The following PRKCA variants were observed in gnomAD, a reference collection of about 807,000 sequenced individuals.
The protein encoded by PRKCA is protein kinase C alpha type.
PRKCA carries 27 observed loss-of-function variants against 87.0 expected under a neutral mutation model. The observed-to-expected ratio is 0.31, with a 90% CI of 0.23 to 0.43. The LOEUF (loss-of-function observed/expected upper bound fraction) is 0.43, where lower values mean the gene tolerates loss of function less well. PRKCA is among the 20% of genes least tolerant of loss of function. The pLI is 1.00. For synonymous variants in PRKCA, 329 were observed against 311.1 expected (o/e 1.06, Z -0.61); for missense variants, 518 against 852.3 (o/e 0.61, Z 4.88).
intron 16 of PRKCA, among the ~76,000 whole-genome samples, chr17:66,789,191 A>AG (rs970118356): frequency 4.6e-5 from 7 of 152,194 alleles, no homozygotes; most frequent in Admixed American, 1.3e-4. Context: ...TAAGGCAGGG[A>AG]GGGGAACCCT....
chr17:66,351,268 C>T (rs895699025), intron 2 of PRKCA, among the ~76,000 whole-genome samples: 3 of 152,204 alleles, frequency 2.0e-5, no homozygotes, highest in African/African-American at 7.2e-5. Context: ...AGGCTATGGG[C>T]GCGTGCCAAC....
intron 2 of PRKCA, among the ~76,000 whole-genome samples, chr17:66,378,730 G>C (rs1228874657): frequency 2.0e-5 from 3 of 151,928 alleles, no homozygotes; most frequent in Non-Finnish European, 2.9e-5. Flanking sequence ...GTGAAACCCG[G>C]TCTCTACTAA....
intron 16 of PRKCA, among the ~76,000 whole-genome samples, chr17:66,801,752 G>A (rs1207776931): frequency 4.6e-5 from 7 of 152,150 alleles, no homozygotes; most frequent in Non-Finnish European, 5.9e-5. Context: ...GAGGCAGGAC[G>A]GATGTGACAG....
chr17:66,793,004 A>G (rs534611057), intron 16 of PRKCA, among the ~76,000 whole-genome samples: 9 of 152,324 alleles, frequency 5.9e-5, no homozygotes, highest in African/African-American at 1.9e-4. Context: ...AGATGGGACA[A>G]TCACTTCTCA....
intron 2 of PRKCA, among the ~76,000 whole-genome samples, chr17:66,425,748 A>G (rs1165878422): frequency 1.3e-5 from 2 of 152,124 alleles, no homozygotes; most frequent in Admixed American, 6.5e-5. Flanking sequence ...GTTTGCGTGT[A>G]TCTTACCCTT....
intron 3 of PRKCA, among the ~76,000 whole-genome samples, chr17:66,536,911 T>C (rs1967808034): frequency 6.6e-6 from 1 of 152,324 alleles, no homozygotes; most frequent in African/African-American, 2.4e-5. Context: ...AGGTGAACGA[T>C]GGGGGCTTGG....
intron 2 of PRKCA, among the ~76,000 whole-genome samples, chr17:66,489,972 G>A (rs1434901398): frequency 6.6e-6 from 1 of 151,606 alleles, no homozygotes; most frequent in Admixed American, 6.6e-5. Flanking sequence ...GTAGAGACAG[G>A]GTTTCACCAT....
intron 3 of PRKCA, among the ~76,000 whole-genome samples, chr17:66,536,540 G>T (rs1967790434): frequency 6.6e-6 from 1 of 152,218 alleles, no homozygotes; most frequent in Non-Finnish European, 1.5e-5. Context: ...GGAAGACCAG[G>T]GTTGAATCTT....
intron 11 of PRKCA, among the ~76,000 whole-genome samples, chr17:66,739,354 T>C (rs1658831819): frequency 1.3e-5 from 2 of 152,350 alleles, no homozygotes; most frequent in Admixed American, 6.5e-5. Context: ...TCCAATAAAC[T>C]GGAGATGTTG....
chr17:66,707,442 C>A (rs544150667), intron 8 of PRKCA, among the ~76,000 whole-genome samples: 2 of 152,276 alleles, frequency 1.3e-5, no homozygotes, highest in East Asian at 3.9e-4. Flanking sequence ...GAGCCAACAT[C>A]TTTATGAGGC....
At chr17:66,357,382 T>G (rs1908126984) in intron 2 of PRKCA, among the ~76,000 whole-genome samples, 1 of 152,190 alleles carries the variant, frequency 6.6e-6, no homozygotes, top group Non-Finnish European at 1.5e-5. Context: ...TTTGAGTTGT[T>G]AAGAATAATG....
intron 3 of PRKCA, among the ~76,000 whole-genome samples, chr17:66,501,027 G>A (rs555216301): frequency 1.3e-5 from 2 of 151,950 alleles, no homozygotes; most frequent in East Asian, 1.9e-4. Context: ...TAGTACCTTC[G>A]TTGAGCTTGG....
chr17:66,436,306 G>T (rs1913390144), intron 2 of PRKCA, among the ~76,000 whole-genome samples: 1 of 152,138 alleles, frequency 6.6e-6, no homozygotes. Context: ...TTGGATTCTG[G>T]ACTCTGCAAT....
chr17:66,778,522 AT>A (rs1975120260), intron 14 of PRKCA, among the ~76,000 whole-genome samples: 1 of 152,174 alleles, frequency 6.6e-6, no homozygotes, highest in Non-Finnish European at 1.5e-5. Context: ...TCTCAAAAAA[AT>A]AAAAGAAAAA....
At chr17:66,748,686 C>T (rs996695820) in intron 13 of PRKCA, among the ~76,000 whole-genome samples, 2 of 152,044 alleles carry the variant, frequency 1.3e-5, no homozygotes, top group African/African-American at 4.8e-5. Flanking sequence ...AGCAGGAGGA[C>T]CTTCCTTTGA....
At chr17:66,415,430 G>C (rs1227196642) in intron 2 of PRKCA, 1 of 152,124 alleles carries the variant, frequency 6.6e-6, no homozygotes, top group African/African-American at 2.4e-5. Flanking sequence ...CTGTAAAGTG[G>C]CAGTTTACCT....
chr17:66,302,863 T>G lies in PRKCA; in HGVS notation c.12T>G (p.Val4=), dbSNP rs767049910. MAD[V]FPGNDSTASQ... ...GGTTGGGGGGGACCATGGCTGACGT[T>G]TTCCCGGGCAACGACTCCACGGCGT... Residue 4 remains valine, a synonymous_variant, in exon 1 of 17, where the codon GTT becomes GTG. Transcript: ENST00000413366. 3 of 1,602,588 alleles carry G rather than the reference T, an allele frequency of 1.9e-6. No homozygotes were observed. The South Asian group carries it at 3.3e-5, about 18-fold the overall frequency.
At chr17:66,346,263 AT>A (rs918179522) in intron 2 of PRKCA, among the ~76,000 whole-genome samples, 2 of 151,624 alleles carry the variant, frequency 1.3e-5, no homozygotes, top group South Asian at 2.1e-4. Flanking sequence ...CGCCTGGCTA[AT>A]TTTTTTGTGT....
chr17:66,338,275 C>T (rs1222681208), intron 2 of PRKCA, among the ~76,000 whole-genome samples: 1 of 152,112 alleles, frequency 6.6e-6, no homozygotes, highest in Non-Finnish European at 1.5e-5. Context: ...AAGCTTGTCA[C>T]TACTCATTTC....
Sources: allele counts gnomAD v4.1 joint callset (sites outside exome capture counted in the v4.1 genomes callset), GRCh38; gene constraint gnomAD v4.1.1; transcripts MANE v1.5; gene names NCBI Gene and HGNC (gene_info 2026-07-23, HGNC 2026-07-21).